Variants in HCN4 observed in about 807,000 individuals in gnomAD.
The protein encoded by HCN4 is hyperpolarization activated cyclic nucleotide gated potassium channel 4.
HCN4 carries 29 observed loss-of-function variants against 76.9 expected under a neutral mutation model. That is an observed-to-expected ratio of 0.38 (90% CI 0.28 to 0.51). HCN4 has a LOEUF of 0.51. Ranked by LOEUF, HCN4 falls within the 20% of genes least tolerant of loss-of-function variation. HCN4 has a pLI of 0.90. For missense variants in HCN4, 1,416 were observed against 1,715.2 expected, an observed-to-expected ratio of 0.83 and a Z score of 3.08; for synonymous variants, 772 against 762.5, an observed-to-expected ratio of 1.01 and a Z score of -0.21.
intron 1 of HCN4, among the ~76,000 whole-genome samples, chr15:73,348,846 C>A (rs986496872): frequency 6.6e-6 from 1 of 152,236 alleles, no homozygotes; most frequent in Admixed American, 6.5e-5. Flanking sequence ...GTGCCACTCC[C>A]AGCACCAGAC....
chr15:73,364,764 A>G (rs913249305), intron 1 of HCN4, among the ~76,000 whole-genome samples: 3 of 152,060 alleles, frequency 2.0e-5, no homozygotes, highest in African/African-American at 7.2e-5. Flanking sequence ...AGCCCAGAAA[A>G]GCCTATGATT....
In HCN4 at chr15:73,320,688, A is replaced by G. The variant is rs1168770881; in HGVS notation, c.*1793T>C. 2.0e-5 allele frequency: 3 copies of G among 152,060 alleles called. No homozygotes were observed. Among genetic ancestry groups the G allele is most frequent in the Non-Finnish European group, 4.4e-5 (3 of 68,050 alleles). 9.4% of individuals were successfully genotyped at this position (152,060 alleles called of 1,614,324 possible). ...CTAAGCCCAGACAATCCCTTACCCT[A>G]TCACCCAAGGCCGTCCCTCTGACCC... On this transcript the variant is annotated 3_prime_UTR_variant, in exon 8 of 8. Coordinates refer to ENST00000261917, the MANE Select transcript of HCN4 (RefSeq NM_005477.3).
intron 1 of HCN4, among the ~76,000 whole-genome samples, chr15:73,354,146 A>C (rs11631651): frequency 0.11 from 16,042 of 152,152 alleles, 1,058 homozygotes; most frequent in African/African-American, 0.18. Flanking sequence ...TTGGGTGTAC[A>C]TTTATTTTCC....
chr15:73,331,564 C>T (rs977563162), intron 3 of HCN4, among the ~76,000 whole-genome samples: 1 of 152,114 alleles, frequency 6.6e-6, no homozygotes, highest in African/African-American at 2.4e-5. Context: ...CCTGTACAGC[C>T]GGGACACATG....
chr15:73,367,453 G>A lies in HCN4; in HGVS notation c.785+33C>T, dbSNP rs2043133591. ...AGGAGGCATGCCTGCCACCGCGCAG[G>A]GCACCCACAGGATCATCGCTGTGGC... On this transcript the variant is annotated intron_variant, in intron 1 of 7. Coordinates refer to ENST00000261917, the MANE Select transcript of HCN4 (RefSeq NM_005477.3). The surrounding 1 kb of genome is among the most constrained non-coding windows in gnomAD (Gnocchi z 7.5). 1.9e-6 allele frequency: 3 copies of A among 1,611,802 alleles called. No homozygotes were observed. Among genetic ancestry groups the A allele is most frequent in the South Asian group, 2.2e-5 (2 of 90,986 alleles).
chr15:73,337,605 T>G (rs1003188346), intron 2 of HCN4, among the ~76,000 whole-genome samples: 5 of 152,222 alleles, frequency 3.3e-5, no homozygotes, highest in African/African-American at 1.2e-4. Flanking sequence ...ATCAGGTCCT[T>G]GTCTAATTGT....
intron 4 of HCN4, among the ~76,000 whole-genome samples, chr15:73,327,685 G>C (rs139672947): frequency 5.6e-4 from 85 of 152,132 alleles, no homozygotes; most frequent in Non-Finnish European, 7.4e-4. Context: ...CTAGGAGGTA[G>C]AGAAGGGTCC....
rs571372059 is a variant in HCN4, at chr15:73,367,122, G to A, written c.785+364C>T. Among the ~76,000 whole-genome samples, 71 of 152,190 alleles carry A rather than the reference G, an allele frequency of 4.7e-4. No homozygotes were observed. The highest frequency in any genetic ancestry group is 3.8e-4 in the Non-Finnish European group (26 of 68,022). The stretch of plus-strand genomic sequence containing the variant: ...CCCTGCTCTGCAGGCTGAATGACCC[G>A]GAGCTGCCTCTAGGATGGCCATCCT... On this transcript the variant is annotated intron_variant, in intron 1 of 7. Coordinates refer to ENST00000261917, the MANE Select transcript of HCN4 (RefSeq NM_005477.3). This position sits in a 1 kb window ranked among gnomAD's most constrained non-coding sequence, Gnocchi z 7.5.
At chr15:73,364,218 C>T (rs1466857278) in intron 1 of HCN4, among the ~76,000 whole-genome samples, 2 of 152,106 alleles carry the variant, frequency 1.3e-5, no homozygotes, top group African/African-American at 4.8e-5. Context: ...GGGGGCGCAG[C>T]AGCAATCCCA....
intron 1 of HCN4, among the ~76,000 whole-genome samples, chr15:73,352,091 A>AGAAACTGTGTG (rs1218806216): frequency 2.6e-5 from 4 of 152,248 alleles, no homozygotes; most frequent in Admixed American, 2.0e-4. Context: ...TCATGTTATA[A>AGAAACTGTGTG]GAAACTGTGT....
At chr15:73,344,465 G>A (rs1440095049) in intron 1 of HCN4, among the ~76,000 whole-genome samples, 1 of 152,108 alleles carries the variant, frequency 6.6e-6, no homozygotes, top group Non-Finnish European at 1.5e-5. Flanking sequence ...TCCACCTTTA[G>A]TCCATCCCCT....
At position 73,322,312 on chromosome 15, in the gene HCN4, C is replaced by G; in HGVS notation, c.*169G>C. 2.0e-6 allele frequency: 1 copy of G among 496,496 alleles called. No individual in the cohort carries two copies. Among genetic ancestry groups the G allele is most frequent in the Non-Finnish European group, 3.8e-6 (1 of 266,484 alleles). The allele number at this position is 496,496 out of a possible 1,614,324, so 30.8% of individuals were successfully genotyped here. On this transcript the variant is annotated 3_prime_UTR_variant, in exon 8 of 8. Transcript: ENST00000261917. Reference sequence around the variant, plus strand: ...TCTATAAAAGCAAGTGACCAAAAATCTATAGCTCTAAGAATACCTGGTTAT... The same window carrying G: ...TCTATAAAAGCAAGTGACCAAAAATGTATAGCTCTAAGAATACCTGGTTAT...
rs537745479 is a variant in HCN4 at position 73,368,706 on chromosome 15, G to A, written c.-436C>T. Reference sequence around the variant, plus strand: ...GTCCCGGGCGTGCGTCCCGCGGGAGGGCTGGCTGTCCGTCTGTCTCGCCGC... The same window carrying A: ...GTCCCGGGCGTGCGTCCCGCGGGAGAGCTGGCTGTCCGTCTGTCTCGCCGC... On this transcript the variant is annotated 5_prime_UTR_variant, in exon 1 of 8. Transcript: ENST00000261917. The surrounding 1 kb of genome is among the most constrained non-coding windows in gnomAD (Gnocchi z 6.9). 2.6e-5 allele frequency: 4 copies of A among 152,486 alleles called. No individual in the cohort carries two copies. In the South Asian group the frequency reaches 6.2e-4, roughly 24 times the overall value. The allele number at this position is 152,486 out of a possible 1,614,324, so 9.4% of individuals were successfully genotyped here.
chr15:73,326,909 C>A (rs1417417382), intron 4 of HCN4, among the ~76,000 whole-genome samples: 1 of 151,702 alleles, frequency 6.6e-6, no homozygotes, highest in Non-Finnish European at 1.5e-5. Flanking sequence ...ATCTCAGCCT[C>A]CTAAACAGCT....
chr15:73,363,059 A>G (rs1470577803), intron 1 of HCN4, among the ~76,000 whole-genome samples: 1 of 152,190 alleles, frequency 6.6e-6, no homozygotes, highest in Non-Finnish European at 1.5e-5. Context: ...AGCACAGCCC[A>G]GGCAGCTCAC....
intron 1 of HCN4, among the ~76,000 whole-genome samples, chr15:73,347,812 C>T (rs750078466): frequency 1.3e-5 from 2 of 152,200 alleles, no homozygotes; most frequent in Non-Finnish European, 2.9e-5. Context: ...GGGCCCTAGT[C>T]TCTCCAAATC....
chr15:73,326,206 G>A (rs2042898238), intron 4 of HCN4, among the ~76,000 whole-genome samples: 1 of 152,030 alleles, frequency 6.6e-6, no homozygotes, highest in Admixed American at 6.6e-5. Flanking sequence ...GGGAGGTATT[G>A]ATTAGGCAAC....
chr15:73,330,947 T>C (rs2042929037), intron 3 of HCN4, among the ~76,000 whole-genome samples: 1 of 152,210 alleles, frequency 6.6e-6, no homozygotes, highest in Non-Finnish European at 1.5e-5. Context: ...GGCTGATTCA[T>C]TTACACTTAG....
chr15:73,322,547 A>G lies in HCN4; in HGVS notation c.3546T>C (p.Ala1182=). The G allele has an allele frequency of 6.2e-7, 1 of 1,606,332 alleles. No individual in the cohort carries two copies. The highest frequency in any genetic ancestry group is 8.5e-7 in the Non-Finnish European group (1 of 1,176,686). ...TGGCCCCAGGTTCCCTCTGGGGTCCAGCAGTCAGAGGGGGCCCCCCAGAAG... is the reference window on the plus strand; with the variant it reads ...TGGCCCCAGGTTCCCTCTGGGGTCCGGCAGTCAGAGGGGGCCCCCCAGAAG... ...ATSSGGPPLT[A]GPQREPGARP... The change falls in exon 8 of 8, where the codon GCT becomes GCC. Residue 1182 remains alanine (A), a synonymous_variant. Transcript: ENST00000261917.
Sources: allele counts gnomAD v4.1 joint callset (sites outside exome capture counted in the v4.1 genomes callset), GRCh38; gene constraint gnomAD v4.1.1; non-coding constraint Gnocchi (gnomAD v3.1); transcripts MANE v1.5; gene names NCBI Gene and HGNC (gene_info 2026-07-23, HGNC 2026-07-21).